The following KCNQ1 variants were observed in gnomAD, a reference collection of about 807,000 sequenced individuals.
The protein encoded by KCNQ1 is potassium voltage-gated channel subfamily Q member 1, also known as potassium voltage-gated channel subfamily KQT member 1.
KCNQ1 carries 49 observed loss-of-function variants against 72.4 expected under a neutral mutation model. That is an observed-to-expected ratio of 0.68 (90% confidence interval 0.54 to 0.86). The LOEUF (loss-of-function observed/expected upper bound fraction) is 0.86, where lower values mean the gene tolerates loss of function less well. Ranked by LOEUF, KCNQ1 falls within the 40% of genes least tolerant of loss-of-function variation. The pLI is 0.00. For missense variants in KCNQ1, 790 were observed against 945.1 expected (o/e 0.84, Z 2.15); for synonymous variants, 450 against 412.6 (o/e 1.09, Z -1.10).
chr11:2,655,695 C>A, intron 10 of KCNQ1: 1 of 390,758 alleles, frequency 2.6e-6, no homozygotes, highest in Non-Finnish European at 4.5e-6. Flanking sequence ...ACCCCCAGCT[C>A]CCCTCCATGC....
At chr11:2,810,784 A>T (rs1329873876) in intron 15 of KCNQ1, among the ~76,000 whole-genome samples, 1 of 152,100 alleles carries the variant, frequency 6.6e-6, no homozygotes, top group Non-Finnish European at 1.5e-5. Flanking sequence ...TGACTGGGGG[A>T]GGTGCCTGTC....
chr11:2,672,058 C>G lies in KCNQ1; in HGVS notation c.1514+9977C>G, dbSNP rs542085421. 1,026 of 398,708 alleles carry G rather than the reference C, an allele frequency of 2.6e-3. 4 individuals carry two copies. Among genetic ancestry groups the G allele is most frequent in the Admixed American group, 3.3e-3 (75 of 22,736 alleles). 24.7% of individuals were successfully genotyped at this position (398,708 alleles called of 1,614,324 possible). On this transcript the variant is annotated intron_variant, in intron 11 of 15. Coordinates refer to ENST00000155840, the MANE Select transcript of KCNQ1 (RefSeq NM_000218.3). Reference sequence around the variant, plus strand: ...CCGGTCTGCACTCAAGCCCAGTATCCTCCCCTGGTCCCTGGTCTGGACTGA... The same window carrying G: ...CCGGTCTGCACTCAAGCCCAGTATCGTCCCCTGGTCCCTGGTCTGGACTGA...
At chr11:2,821,414 G>A (rs1333367296) in intron 15 of KCNQ1, among the ~76,000 whole-genome samples, 1 of 152,218 alleles carries the variant, frequency 6.6e-6, no homozygotes, top group East Asian at 1.9e-4. Flanking sequence ...TGGAGCCACA[G>A]GGCCATTGTG....
intron 10 of KCNQ1, chr11:2,632,883 A>G: frequency 2.5e-6 from 1 of 398,458 alleles, no homozygotes; most frequent in Admixed American, 4.4e-5. Flanking sequence ...TAAACATGAG[A>G]ATGCAAATAT....
At chr11:2,680,100 C>T (rs1430167981) in intron 11 of KCNQ1, 1 of 395,956 alleles carries the variant, frequency 2.5e-6, no homozygotes, top group African/African-American at 2.1e-5. Flanking sequence ...CCATGTTGGC[C>T]AGGCTGGTCT....
intron 15 of KCNQ1, among the ~76,000 whole-genome samples, chr11:2,831,992 G>A (rs1191143090): frequency 6.6e-6 from 1 of 152,092 alleles, no homozygotes; most frequent in African/African-American, 2.4e-5. Context: ...CTCTGCTCCA[G>A]GGGGGTGGCC....
rs1850117789 is a variant in KCNQ1, at chr11:2,668,176, G to A, written c.1514+6095G>A. ...TGCTCCCTCATGCTCCTTGCTGACTGGTGCTCCATTGTGTGCATGGCCTAC... is the reference window on the plus strand; with the variant it reads ...TGCTCCCTCATGCTCCTTGCTGACTAGTGCTCCATTGTGTGCATGGCCTAC... On this transcript the variant is annotated intron_variant, in intron 11 of 15. Coordinates refer to ENST00000155840, the MANE Select transcript of KCNQ1 (RefSeq NM_000218.3). The surrounding 1 kb of genome is among the most constrained non-coding windows in gnomAD (Gnocchi z 4.3). The A allele has an allele frequency of 2.5e-6, 1 of 398,610 alleles. No homozygotes were observed. The allele number at this position is 398,610 out of a possible 1,614,324, so 24.7% of individuals were successfully genotyped here. A position where few individuals can be genotyped will look rare whatever the true frequency, so the allele number is the denominator to read the frequency against.
chr11:2,794,285 G>T (rs1249092699), intron 15 of KCNQ1, among the ~76,000 whole-genome samples: 1 of 152,238 alleles, frequency 6.6e-6, no homozygotes, highest in South Asian at 2.1e-4. Context: ...GGGGAGAAAG[G>T]TTGGAGAAGG....
Position 2,494,002 on chromosome 11 carries a change from G to A in KCNQ1, c.387-33926G>A, listed in dbSNP as rs183444628. Among the ~76,000 whole-genome samples the A allele has an allele frequency of 8.5e-5, 13 of 152,152 alleles. No individual in the cohort carries two copies. The East Asian group carries it at 2.5e-3, about 29-fold the overall frequency. On this transcript the variant is annotated intron_variant, in intron 1 of 15. Coordinates refer to ENST00000155840, the MANE Select transcript of KCNQ1 (RefSeq NM_000218.3). This position sits in a 1 kb window ranked among gnomAD's most constrained non-coding sequence, Gnocchi z 4.6. ...TGAGCATGGAATTTTTTTTCCATTT[G>A]TTTGTGTCCTTTCCTTTCCTTCAGC...
chr11:2,714,252 C>T (rs1851052536), intron 11 of KCNQ1, among the ~76,000 whole-genome samples: 1 of 152,212 alleles, frequency 6.6e-6, no homozygotes, highest in Non-Finnish European at 1.5e-5. Context: ...TTGGGCCTCA[C>T]CTCCCTGGCA....
chr11:2,445,453 G>C lies in KCNQ1; in HGVS notation c.355G>C (p.Gly119Arg), dbSNP rs1325525794. 1.3e-6 allele frequency: 2 copies of C among 1,597,006 alleles called. No homozygotes were observed. The highest frequency in any genetic ancestry group is 1.7e-6 in the Non-Finnish European group (2 of 1,179,478). Residue 119 changes from glycine to arginine, a missense_variant, in exon 1 of 16, where the codon GGC becomes CGC. Coordinates refer to ENST00000155840, the MANE Select transcript of KCNQ1 (RefSeq NM_000218.3). ...CTACAACTTCCTCGAGCGTCCCACC[G>C]GCTGGAAATGCTTCGTTTACCACTT... Reference protein sequence around the residue: ...RVYNFLERPTGWKCFVYHFAV... With the variant: ...RVYNFLERPTRWKCFVYHFAV...
chr11:2,733,999 T>A (rs1420188112), intron 11 of KCNQ1, among the ~76,000 whole-genome samples: 1 of 151,772 alleles, frequency 6.6e-6, no homozygotes, highest in Non-Finnish European at 1.5e-5. Context: ...CTGAACATCC[T>A]CCTCAGAGCA....
At position 2,745,495 on chromosome 11, in the gene KCNQ1, A is replaced by G. The variant is rs1046119077; in HGVS notation, c.1515-23349A>G. Among the ~76,000 whole-genome samples, 7 of 152,206 alleles carry G rather than the reference A, an allele frequency of 4.6e-5. No homozygotes were observed. The East Asian group carries it at 1.3e-3, about 29-fold the overall frequency. On this transcript the variant is annotated intron_variant, in intron 11 of 15. Transcript: ENST00000155840. The surrounding 1 kb of genome is among the most constrained non-coding windows in gnomAD (Gnocchi z 6.2). Reference sequence around the variant, plus strand: ...ACCTGACAACCATGTCATACTTTCTATCAGCTCTATTGATTGATCTTTTGA... The same window carrying G: ...ACCTGACAACCATGTCATACTTTCTGTCAGCTCTATTGATTGATCTTTTGA...
intron 10 of KCNQ1, chr11:2,650,612 C>G: frequency 2.5e-6 from 1 of 398,600 alleles, no homozygotes; most frequent in Non-Finnish European, 4.4e-6. Flanking sequence ...GAGGTACTTA[C>G]TCCTCTATTT....
chr11:2,824,983 T>G lies in KCNQ1; in HGVS notation c.1795-22784T>G, dbSNP rs1193803336. ...TTGGACAGGGGAGGCCGGGTGTGGATGGAAGCTGTACGATGGGGCCTGGGC... is the reference window on the plus strand; with the variant it reads ...TTGGACAGGGGAGGCCGGGTGTGGAGGGAAGCTGTACGATGGGGCCTGGGC... On this transcript the variant is annotated intron_variant, in intron 15 of 15. Transcript: ENST00000155840. The surrounding 1 kb of genome is among the most constrained non-coding windows in gnomAD (Gnocchi z 5.9). 6.6e-6 allele frequency among the ~76,000 whole-genome samples: 1 copy of G among 152,138 alleles called. No homozygotes were observed. The highest frequency in any genetic ancestry group is 1.5e-5 in the Non-Finnish European group (1 of 68,006).
At chr11:2,589,957 C>T (rs1346732234) in intron 10 of KCNQ1, among the ~76,000 whole-genome samples, 2 of 152,182 alleles carry the variant, frequency 1.3e-5, no homozygotes, top group African/African-American at 2.4e-5. Context: ...CCACTGGCCA[C>T]GGATGCCACG....
chr11:2,733,856 TCCCC>T (rs143023369), intron 11 of KCNQ1, among the ~76,000 whole-genome samples: 1 of 22,248 alleles, frequency 4.5e-5, no homozygotes, highest in Admixed American at 3.2e-4. Context: ...TCTCTCTCTC[TCCCC>T]CCCCACTTCA....
chr11:2,823,690 C>T (rs1205577039), intron 15 of KCNQ1, among the ~76,000 whole-genome samples: 1 of 152,198 alleles, frequency 6.6e-6, no homozygotes, highest in Non-Finnish European at 1.5e-5. Context: ...GCTTCCAAAA[C>T]AGCGGAGGAT....
rs921493372 is a variant in KCNQ1 at position 2,550,906 on chromosome 11, G to C, written c.478-19722G>C. Among the ~76,000 whole-genome samples, 1 of 152,026 alleles carries C rather than the reference G, an allele frequency of 6.6e-6. No homozygotes were observed. The highest frequency in any genetic ancestry group is 1.5e-5 in the Non-Finnish European group (1 of 67,998). ...AGGGGGGGGCACAGACTGAGACAGG[G>C]TCCCCGTGTTCCATCCATGGGGTAC... On this transcript the variant is annotated intron_variant, in intron 2 of 15. Coordinates refer to ENST00000155840, the MANE Select transcript of KCNQ1 (RefSeq NM_000218.3). This position sits in a 1 kb window ranked among gnomAD's most constrained non-coding sequence, Gnocchi z 6.0.
Sources: allele counts gnomAD v4.1 joint callset (sites outside exome capture counted in the v4.1 genomes callset), GRCh38; gene constraint gnomAD v4.1.1; non-coding constraint Gnocchi (gnomAD v3.1); transcripts MANE v1.5; gene names NCBI Gene and HGNC (gene_info 2026-07-23, HGNC 2026-07-21).